The following JAKMIP3 variants were observed in gnomAD, a reference collection of about 807,000 sequenced individuals.
The protein encoded by JAKMIP3 is janus kinase and microtubule-interacting protein 3.
JAKMIP3 carries 58 observed loss-of-function variants against 118.5 expected under a neutral mutation model. The observed-to-expected ratio is 0.49, with a 90% CI of 0.40 to 0.61. JAKMIP3 has a LOEUF of 0.61. Among genes scored for constraint, JAKMIP3 ranks in the 20% least tolerant of loss-of-function variants. The probability of loss-of-function intolerance (pLI) is 0.00; values close to 1 mark genes in which losing one functional copy is unlikely to be tolerated. For synonymous variants in JAKMIP3, 486 were observed against 451.2 expected, an observed-to-expected ratio of 1.08 and a Z score of -0.98; for missense variants, 950 against 1,109.0, an observed-to-expected ratio of 0.86 and a Z score of 2.04.
At position 132,135,765 on chromosome 10, in the gene JAKMIP3, C is replaced by T. The variant is rs528482215; in HGVS notation, c.970-165C>T. Among the ~76,000 whole-genome samples, 13 of 151,894 alleles carry T rather than the reference C, an allele frequency of 8.6e-5. No homozygotes were observed. The East Asian group carries it at 1.4e-3, about 16-fold the overall frequency. On this transcript the variant is annotated intron_variant, in intron 5 of 23. Transcript: ENST00000684848. ...AGTGCTCTGGGCAAGTGGGTTCACCCGGGCGCTGGGCCAGTGGGCACCACT... is the reference window on the plus strand; with the variant it reads ...AGTGCTCTGGGCAAGTGGGTTCACCTGGGCGCTGGGCCAGTGGGCACCACT...
chr10:132,132,118 G>A (rs775722512), intron 3 of JAKMIP3, among the ~76,000 whole-genome samples: 27 of 152,194 alleles, frequency 1.8e-4, no homozygotes, highest in Non-Finnish European at 3.1e-4. Context: ...AGAAAATGGG[G>A]ATTTAGCAAT....
intron 13 of JAKMIP3, among the ~76,000 whole-genome samples, chr10:132,146,582 C>T (rs2054651586): frequency 6.6e-6 from 1 of 152,214 alleles, no homozygotes; most frequent in Non-Finnish European, 1.5e-5. Context: ...CCTGAGGAGG[C>T]AGCGATGTCT....
chr10:132,095,548 TCA>T (rs2043738189), intron 1 of JAKMIP3, among the ~76,000 whole-genome samples: 3 of 152,316 alleles, frequency 2.0e-5, no homozygotes, highest in East Asian at 1.9e-4. Flanking sequence ...GCTTGGGCAC[TCA>T]CAGTATTTGG....
chr10:132,123,907 C>A (rs2049014793), intron 3 of JAKMIP3, among the ~76,000 whole-genome samples: 1 of 152,144 alleles, frequency 6.6e-6, no homozygotes, highest in Non-Finnish European at 1.5e-5. Flanking sequence ...GAGTAGCTGC[C>A]CACGGTCCTG....
At chr10:132,070,188 C>T (rs1306198307) in intron 1 of JAKMIP3, among the ~76,000 whole-genome samples, 1 of 152,072 alleles carries the variant, frequency 6.6e-6, no homozygotes, top group Non-Finnish European at 1.5e-5. Context: ...ACTCTTGTTG[C>T]CCAGGCTGGG....
At chr10:132,048,658 G>T (rs1478921049) in intron 1 of JAKMIP3, among the ~76,000 whole-genome samples, 1 of 101,002 alleles carries the variant, frequency 9.9e-6, no homozygotes, top group Non-Finnish European at 2.0e-5. Context: ...AGGCTTGACT[G>T]TTTCTTTTCT....
intron 9 of JAKMIP3, 39 bp from the exon 10 acceptor site, chr10:132,140,412 G>C: frequency 3.7e-6 from 6 of 1,612,034 alleles, no homozygotes; most frequent in Non-Finnish European, 5.1e-6. Context: ...GCTGTGCCTG[G>C]GTCTGGTTTG....
Position 132,149,537 on chromosome 10 carries a change from C to T in JAKMIP3, c.1947+27C>T, listed in dbSNP as rs552638184. ...TGAGTCCCGCCCCTCCTGCCCACTC[C>T]GCCCCCACCTCACCCATCCCCCGCC... On this transcript the variant is annotated intron_variant, in intron 15 of 23. Transcript: ENST00000684848. The T allele has an allele frequency of 6.6e-4, 807 of 1,216,362 alleles. 16 individuals carry two copies. In the Middle Eastern group the frequency reaches 8.0e-3, roughly 12 times the overall value. 75.3% of individuals were successfully genotyped at this position (1,216,362 alleles called of 1,614,324 possible). A position where few individuals can be genotyped will look rare whatever the true frequency, so the allele number is the denominator to read the frequency against.
chr10:132,048,138 G>A (rs1162054013), intron 1 of JAKMIP3, among the ~76,000 whole-genome samples: 1 of 152,258 alleles, frequency 6.6e-6, no homozygotes, highest in Admixed American at 6.5e-5. Flanking sequence ...CAGAGCAGGT[G>A]TGATGTTGAG....
chr10:132,072,096 C>CAT (rs1404944625), intron 1 of JAKMIP3, among the ~76,000 whole-genome samples: 3 of 151,978 alleles, frequency 2.0e-5, no homozygotes, highest in Admixed American at 1.3e-4. Flanking sequence ...GGATTACAGG[C>CAT]ATGCACCACC....
At chr10:132,139,323 T>TGTGA (rs542697131) in intron 9 of JAKMIP3, among the ~76,000 whole-genome samples, 14,290 of 119,150 alleles carry the variant, frequency 0.12, 1,629 homozygotes, top group African/African-American at 0.21. Context: ...TATGTGTATG[T>TGTGA]GTGTGTGTTT....
intron 10 of JAKMIP3, among the ~76,000 whole-genome samples, chr10:132,141,690 C>T (rs2053545522): frequency 1.3e-5 from 2 of 152,166 alleles, no homozygotes; most frequent in Admixed American, 1.3e-4. Flanking sequence ...CACCCCAGGG[C>T]TCGGTGCTCC....
intron 3 of JAKMIP3, among the ~76,000 whole-genome samples, chr10:132,123,733 C>T (rs112110481): frequency 2.0e-5 from 3 of 152,310 alleles, no homozygotes; most frequent in African/African-American, 7.2e-5. Context: ...CTTTGCACCC[C>T]AAGCCTGGCT....
chr10:132,123,412 C>T (rs1281947174), intron 3 of JAKMIP3, among the ~76,000 whole-genome samples: 3 of 152,236 alleles, frequency 2.0e-5, no homozygotes, highest in Admixed American at 2.0e-4. Context: ...CCGTAAAGAT[C>T]TGTGATTTCT....
rs776041914 is a variant in JAKMIP3 at position 132,133,396 on chromosome 10, C to T, written c.718C>T (p.Gln240Ter). Residue 240 changes from glutamine to a stop codon, truncating the protein, a stop_gained, in exon 4 of 24, where the codon CAG (glutamine) becomes TAG (stop). Coordinates refer to ENST00000684848, the MANE Select transcript of JAKMIP3 (RefSeq NM_001323087.2). LOFTEE classifies it high-confidence loss of function. ...GVQAGHAQRL[Q>*]LQKEALDEQL... The stretch of plus-strand genomic sequence containing the variant: ...TCAAGCCGGGCATGCTCAGAGACTG[C>T]AGCTCCAAAAAGAGGCTCTAGATGA... 5.6e-6 allele frequency: 9 copies of T among 1,601,134 alleles called. No homozygotes were observed. The highest frequency in any genetic ancestry group is 1.7e-6 in the Non-Finnish European group (2 of 1,174,010).
At chr10:132,159,373 T>TGGG (rs570632179) in intron 19 of JAKMIP3, among the ~76,000 whole-genome samples, 4 of 25,554 alleles carry the variant, frequency 1.6e-4, no homozygotes, top group South Asian at 1.8e-3. Context: ...TGATGCTGGT[T>TGGG]GGGGGGGGTC....
At position 132,145,548 on chromosome 10, in the gene JAKMIP3, C is replaced by T. The variant is rs540878029; in HGVS notation, c.1717C>T (p.Leu573=). 1.3e-6 allele frequency: 2 copies of T among 1,565,246 alleles called. No individual in the cohort carries two copies. Among genetic ancestry groups the T allele is most frequent in the Admixed American group, 1.9e-5 (1 of 52,586 alleles). Residue 573 remains leucine, a synonymous_variant, in exon 13 of 24, where the codon CTG becomes TTG. Transcript: ENST00000684848. ...DMKWIEEKQA[L]YRRNQELVEK... is the part of the protein sequence containing the mutation. ...GAAGTGGATTGAAGAGAAGCAGGCA[C>T]TGTACCGGAGAAATCAAGAGCTTGT...
chr10:132,085,103 G>T (rs1409682311), intron 1 of JAKMIP3, among the ~76,000 whole-genome samples: 1 of 151,794 alleles, frequency 6.6e-6, no homozygotes, highest in East Asian at 1.9e-4. Flanking sequence ...ATTTAGAGAG[G>T]ATTCTCTCTT....
At chr10:132,110,738 C>T (rs1412868076) in intron 2 of JAKMIP3, among the ~76,000 whole-genome samples, 1 of 152,254 alleles carries the variant, frequency 6.6e-6, no homozygotes, top group Non-Finnish European at 1.5e-5. Context: ...AAGCTGACTC[C>T]TCCAGGTGCC....
Sources: allele counts gnomAD v4.1 joint callset (sites outside exome capture counted in the v4.1 genomes callset), GRCh38; gene constraint gnomAD v4.1.1; transcripts MANE v1.5; gene names NCBI Gene and HGNC (gene_info 2026-07-23, HGNC 2026-07-21).